Variants in GPC6 observed in about 807,000 individuals in gnomAD.
The protein encoded by GPC6 is glypican 6, also known as glypican-6.
GPC6 carries 14 observed loss-of-function variants against 55.2 expected under a neutral mutation model. That is an observed-to-expected ratio of 0.25 (90% CI 0.17 to 0.40). The LOEUF (loss-of-function observed/expected upper bound fraction) is 0.40, where lower values mean the gene tolerates loss of function less well. Ranked by LOEUF, GPC6 falls within the 10% of genes least tolerant of loss-of-function variation. The pLI is 1.00. For synonymous variants in GPC6, 278 were observed against 259.6 expected, an observed-to-expected ratio of 1.07 and a Z score of -0.68; for missense variants, 641 against 708.5, an observed-to-expected ratio of 0.90 and a Z score of 1.08.
intron 2 of GPC6, among the ~76,000 whole-genome samples, chr13:93,629,526 G>A (rs1383402115): frequency 6.6e-6 from 1 of 152,152 alleles, no homozygotes; most frequent in Admixed American, 6.6e-5. Context: ...AGGTCATACA[G>A]TTGATCCAAT....
chr13:94,016,646 A>C (rs923006918), intron 3 of GPC6, among the ~76,000 whole-genome samples: 5 of 152,216 alleles, frequency 3.3e-5, no homozygotes, highest in Admixed American at 6.5e-5. Context: ...CGGTGAATCT[A>C]TAAATTGCTT....
intron 4 of GPC6, among the ~76,000 whole-genome samples, chr13:94,171,754 T>TA (rs1566496963): frequency 1.1e-4 from 16 of 152,352 alleles, no homozygotes; most frequent in African/African-American, 3.4e-4. Flanking sequence ...TTTCATGGCA[T>TA]GTAGCTGCAG....
intron 6 of GPC6, among the ~76,000 whole-genome samples, chr13:94,373,179 A>T (rs1879668085): frequency 2.0e-5 from 3 of 152,204 alleles, no homozygotes; most frequent in Admixed American, 2.0e-4. Context: ...AAAGGAACGC[A>T]GTTCCTCACC....
intron 1 of GPC6, among the ~76,000 whole-genome samples, chr13:93,319,788 A>G (rs146999913): frequency 1.3e-5 from 2 of 152,138 alleles, no homozygotes; most frequent in African/African-American, 2.4e-5. Context: ...AACGCTAGGC[A>G]TGAAGACCAG....
intron 1 of GPC6, among the ~76,000 whole-genome samples, chr13:93,542,737 C>G (rs1239301352): frequency 6.6e-6 from 1 of 152,288 alleles, no homozygotes; most frequent in Non-Finnish European, 1.5e-5. Flanking sequence ...AGAGGTCCAT[C>G]ACGTCCCTTG....
intron 1 of GPC6, among the ~76,000 whole-genome samples, chr13:93,374,609 T>G (rs765620741): frequency 6.6e-6 from 1 of 152,236 alleles, no homozygotes; most frequent in East Asian, 1.9e-4. Flanking sequence ...TTTGGAAACT[T>G]GGATTTGGCA....
chr13:94,351,503 T>A (rs1473063950), intron 6 of GPC6, among the ~76,000 whole-genome samples: 1 of 151,942 alleles, frequency 6.6e-6, no homozygotes, highest in Non-Finnish European at 1.5e-5. Context: ...AGAGATGAGA[T>A]GACACATCGG....
intron 3 of GPC6, among the ~76,000 whole-genome samples, chr13:93,866,438 G>A (rs184181673): frequency 5.3e-5 from 8 of 151,638 alleles, no homozygotes; most frequent in East Asian, 3.9e-4. Flanking sequence ...CCACAACGCC[G>A]TTCGCAATAG....
At chr13:94,290,448 A>T (rs922391780) in intron 5 of GPC6, among the ~76,000 whole-genome samples, 2 of 150,128 alleles carry the variant, frequency 1.3e-5, no homozygotes, top group African/African-American at 4.9e-5. Flanking sequence ...AAAAAAAAAA[A>T]AGAAAAAGAA....
At chr13:93,245,243 T>A (rs889485568) in intron 1 of GPC6, among the ~76,000 whole-genome samples, 3 of 152,226 alleles carry the variant, frequency 2.0e-5, no homozygotes, top group African/African-American at 7.2e-5. Flanking sequence ...TAGGCTATAA[T>A]GTGGGGCACT....
intron 1 of GPC6, among the ~76,000 whole-genome samples, chr13:93,324,536 GTATGTGTGTATATATATA>G (rs1476754873): frequency 7.0e-5 from 8 of 114,198 alleles, no homozygotes; most frequent in Non-Finnish European, 1.1e-4. Context: ...TCTCATGTAT[GTATGTGTGTATATATATA>G]TATGTGTATA....
intron 3 of GPC6, among the ~76,000 whole-genome samples, chr13:93,890,842 A>C (rs1183959557): frequency 6.6e-6 from 1 of 151,524 alleles, no homozygotes; most frequent in Non-Finnish European, 1.5e-5. Flanking sequence ...TGGAGACTCA[A>C]TTTCTTGAGT....
At chr13:93,377,240 C>A (rs905814362) in intron 1 of GPC6, among the ~76,000 whole-genome samples, 1 of 152,180 alleles carries the variant, frequency 6.6e-6, no homozygotes, top group Admixed American at 6.5e-5. Flanking sequence ...GTGAATCTCC[C>A]ATGATGTCCT....
At chr13:94,383,366 G>C (rs915487131) in intron 7 of GPC6, among the ~76,000 whole-genome samples, 1 of 152,188 alleles carries the variant, frequency 6.6e-6, no homozygotes, top group Non-Finnish European at 1.5e-5. Flanking sequence ...GATGCTAAGA[G>C]GGGAGTCTGT....
chr13:93,454,992 G>A (rs1288836694), intron 1 of GPC6, among the ~76,000 whole-genome samples: 2 of 152,224 alleles, frequency 1.3e-5, no homozygotes, highest in Non-Finnish European at 1.5e-5. Flanking sequence ...TGGCACTGCT[G>A]GGGGACCCAG....
At chr13:93,734,594 A>G (rs1391232185) in intron 2 of GPC6, among the ~76,000 whole-genome samples, 2 of 152,202 alleles carry the variant, frequency 1.3e-5, no homozygotes, top group African/African-American at 4.8e-5. Flanking sequence ...CATTTTTACC[A>G]ACTTATTAGA....
At position 93,391,596 on chromosome 13, in the gene GPC6, C is replaced by T. The variant is rs546852638; in HGVS notation, c.161-153667C>T. On this transcript the variant is annotated intron_variant, in intron 1 of 8. Coordinates refer to ENST00000377047, the MANE Select transcript of GPC6 (RefSeq NM_005708.5). Reference sequence around the variant, plus strand: ...AGATAAATACATAAGCATATGCATTCGTTTTGTTAAAGAGAAAACATTTAA... The same window carrying T: ...AGATAAATACATAAGCATATGCATTTGTTTTGTTAAAGAGAAAACATTTAA... Among the ~76,000 whole-genome samples the T allele has an allele frequency of 3.3e-5, 5 of 152,298 alleles. No individual in the cohort carries two copies. The East Asian group carries it at 5.8e-4, about 18-fold the overall frequency.
chr13:94,279,366 T>C (rs1390911411), intron 4 of GPC6, among the ~76,000 whole-genome samples: 4 of 110,524 alleles, frequency 3.6e-5, no homozygotes, highest in Non-Finnish European at 7.1e-5. Context: ...TCTATTTTGT[T>C]GATCTTTTTC....
intron 4 of GPC6, among the ~76,000 whole-genome samples, chr13:94,058,789 G>A (rs954230305): frequency 6.6e-6 from 1 of 152,096 alleles, no homozygotes; most frequent in East Asian, 1.9e-4. Context: ...TTGAATGTTA[G>A]GGCAAGAGTT....
Sources: gnomAD v4.1 joint callset for allele counts (sites outside exome capture counted in the v4.1 genomes callset) on GRCh38, gnomAD v4.1.1 for gene constraint, MANE v1.5 for transcripts, NCBI Gene and HGNC (gene_info 2026-07-23, HGNC 2026-07-21) for gene names.